CDH13: variants seen among roughly 807,000 people sequenced by gnomAD.
The protein encoded by CDH13 is cadherin 13, also known as cadherin-13.
Under a neutral mutation model 63.8 loss-of-function variants are expected in CDH13, and 24 were observed. That is an observed-to-expected ratio of 0.38 (90% CI 0.27 to 0.53). The LOEUF is 0.53. Among genes scored for constraint, CDH13 ranks in the 20% least tolerant of loss-of-function variants. CDH13 has a pLI of 0.85. For synonymous variants in CDH13, 503 were observed against 355.3 expected, an observed-to-expected ratio of 1.42 and a Z score of -4.67; for missense variants, 1,049 against 903.1, an observed-to-expected ratio of 1.16 and a Z score of -2.07.
At chr16:83,113,921 T>A (rs1448946530) in intron 3 of CDH13, among the ~76,000 whole-genome samples, 3 of 152,122 alleles carry the variant, frequency 2.0e-5, no homozygotes, top group Non-Finnish European at 4.4e-5. Flanking sequence ...GGCTTCATCC[T>A]TTGGCAAGGG....
chr16:82,810,998 C>A (rs73606819), intron 1 of CDH13, among the ~76,000 whole-genome samples: 3,649 of 152,210 alleles, frequency 0.024, 68 homozygotes, highest in Non-Finnish European at 0.038. Flanking sequence ...GAAGCCTGGG[C>A]AGTCCATCTC....
intron 5 of CDH13, among the ~76,000 whole-genome samples, chr16:83,292,666 A>G (rs1004971852): frequency 6.6e-6 from 1 of 152,138 alleles, no homozygotes; most frequent in Non-Finnish European, 1.5e-5. Context: ...AATGATTACA[A>G]ATATTTGAAT....
chr16:83,014,319 TAAAAAAAAAA>T (rs34322579), intron 2 of CDH13, among the ~76,000 whole-genome samples: 3 of 67,708 alleles, frequency 4.4e-5, no homozygotes, highest in African/African-American at 1.3e-4. Context: ...CCCAAATCGA[TAAAAAAAAAA>T]AAAAAAAAAA....
intron 6 of CDH13, among the ~76,000 whole-genome samples, chr16:83,389,337 A>G (rs551456663): frequency 1.3e-5 from 2 of 152,332 alleles, no homozygotes; most frequent in South Asian, 2.1e-4. Flanking sequence ...ATTTTTTACC[A>G]AAATGAGATC....
chr16:83,713,335 C>G lies in CDH13; in HGVS notation c.1539-34773C>G, dbSNP rs1002283156. On this transcript the variant is annotated intron_variant, in intron 10 of 13. Transcript: ENST00000567109. ...CTCATCTTCTGCCATTGGCCTCCCA[C>G]CCCACATTTTTCCAATGAGGTTCTT... Among the ~76,000 whole-genome samples, 4 of 152,206 alleles carry G rather than the reference C, an allele frequency of 2.6e-5. No individual in the cohort carries two copies. In the East Asian group the frequency reaches 7.7e-4, roughly 29 times the overall value.
intron 4 of CDH13, among the ~76,000 whole-genome samples, chr16:83,131,756 T>C (rs1020847507): frequency 6.6e-6 from 1 of 152,200 alleles, no homozygotes; most frequent in African/African-American, 2.4e-5. Context: ...ATGAAAGTAC[T>C]TTTTTACAGA....
chr16:83,183,067 A>C (rs776014032), intron 4 of CDH13, among the ~76,000 whole-genome samples: 5 of 152,190 alleles, frequency 3.3e-5, no homozygotes, highest in Non-Finnish European at 5.9e-5. Context: ...TTTTCAGATA[A>C]GGTTCCTTCT....
intron 8 of CDH13, among the ~76,000 whole-genome samples, chr16:83,612,386 A>G (rs1908936395): frequency 6.6e-6 from 1 of 150,816 alleles, no homozygotes. Flanking sequence ...TTTCTTTCTG[A>G]CTTTCTGTAA....
intron 2 of CDH13, among the ~76,000 whole-genome samples, chr16:83,006,899 AT>A (rs796613754): frequency 3.3e-5 from 4 of 120,838 alleles, no homozygotes; most frequent in Admixed American, 3.2e-4. Context: ...CCCAGTTTTG[AT>A]TTTTTTTGTT....
chr16:82,912,960 G>A (rs542430629), intron 2 of CDH13, among the ~76,000 whole-genome samples: 1 of 151,370 alleles, frequency 6.6e-6, no homozygotes, highest in Non-Finnish European at 1.5e-5. Flanking sequence ...AAAAAAAAGA[G>A]TGGTGCTTCA....
chr16:83,394,772 T>C (rs1031402150), intron 6 of CDH13, among the ~76,000 whole-genome samples: 1 of 152,034 alleles, frequency 6.6e-6, no homozygotes, highest in Non-Finnish European at 1.5e-5. Flanking sequence ...AATGGAGGGA[T>C]GAGAAATGGT....
At chr16:82,837,418 A>G (rs1333788113) in intron 1 of CDH13, among the ~76,000 whole-genome samples, 1 of 146,086 alleles carries the variant, frequency 6.8e-6, no homozygotes, top group Non-Finnish European at 1.5e-5. Context: ...GACCACCCCC[A>G]GGTTCCTTGA....
chr16:83,768,524 T>C (rs1181790391), intron 11 of CDH13, among the ~76,000 whole-genome samples: 1 of 152,154 alleles, frequency 6.6e-6, no homozygotes, highest in Non-Finnish European at 1.5e-5. Flanking sequence ...TTGGATCTCA[T>C]GCAAGAAAGA....
intron 1 of CDH13, among the ~76,000 whole-genome samples, chr16:82,813,944 C>G (rs1396182752): frequency 6.6e-6 from 1 of 152,076 alleles, no homozygotes; most frequent in Non-Finnish European, 1.5e-5. Flanking sequence ...TATTACCTAC[C>G]TCATAAAACC....
intron 2 of CDH13, among the ~76,000 whole-genome samples, chr16:82,935,603 C>G (rs1323716061): frequency 6.6e-6 from 1 of 152,172 alleles, no homozygotes; most frequent in East Asian, 1.9e-4. Context: ...AGCAGTGATT[C>G]TCGAACTTGA....
intron 3 of CDH13, among the ~76,000 whole-genome samples, chr16:83,046,727 C>T (rs1397524078): frequency 6.6e-6 from 1 of 152,180 alleles, no homozygotes; most frequent in Non-Finnish European, 1.5e-5. Context: ...GTCTTCCAAG[C>T]AACAGCCCCA....
At chr16:83,078,319 G>A (rs1049078350) in intron 3 of CDH13, among the ~76,000 whole-genome samples, 3 of 152,170 alleles carry the variant, frequency 2.0e-5, no homozygotes, top group African/African-American at 4.8e-5. Context: ...TTCATGGAAG[G>A]CAATTTTTCC....
intron 1 of CDH13, among the ~76,000 whole-genome samples, chr16:82,688,080 T>C (rs989805318): frequency 3.3e-5 from 5 of 152,214 alleles, no homozygotes; most frequent in African/African-American, 1.2e-4. Flanking sequence ...TTTGTGATTT[T>C]ACCTTTTTGT....
intron 1 of CDH13, among the ~76,000 whole-genome samples, chr16:82,686,167 T>C (rs1463933481): frequency 6.6e-6 from 1 of 152,206 alleles, no homozygotes; most frequent in Non-Finnish European, 1.5e-5. Flanking sequence ...GCAGAGAACA[T>C]GTGTTTTGTG....
Sources: allele counts gnomAD v4.1 joint callset (sites outside exome capture counted in the v4.1 genomes callset), GRCh38; gene constraint gnomAD v4.1.1; transcripts MANE v1.5; gene names NCBI Gene and HGNC (gene_info 2026-07-23, HGNC 2026-07-21).